The following NXPH1 variants were observed in gnomAD, a reference collection of about 807,000 sequenced individuals.
NXPH1 encodes neurexophilin 1, also known as neurexophilin-1.
In NXPH1, 5 loss-of-function variants were observed where a neutral mutation model predicts 23.7. The ratio of observed to expected loss-of-function variants is 0.21; its 90% CI spans 0.11 to 0.44. The LOEUF is 0.44. NXPH1 is among the 20% of genes least tolerant of loss of function. The probability of loss-of-function intolerance (pLI) is 0.99; values close to 1 mark genes in which losing one functional copy is unlikely to be tolerated. For synonymous variants in NXPH1, 144 were observed against 122.2 expected, an observed-to-expected ratio of 1.18 and a Z score of -1.18; for missense variants, 324 against 321.6, an observed-to-expected ratio of 1.01 and a Z score of -0.06.
chr7:8,500,152 G>A (rs939717264), intron 2 of NXPH1, among the ~76,000 whole-genome samples: 2 of 152,050 alleles, frequency 1.3e-5, no homozygotes, highest in Non-Finnish European at 2.9e-5. Flanking sequence ...CAAGATCCTG[G>A]ATCCCAAAGA....
At chr7:8,590,410 C>G (rs1261026380) in intron 2 of NXPH1, among the ~76,000 whole-genome samples, 2 of 152,034 alleles carry the variant, frequency 1.3e-5, no homozygotes, top group Admixed American at 6.6e-5. Flanking sequence ...TGGCCAAGCT[C>G]TTTTTAGATG....
At chr7:8,512,999 A>T (rs1175906712) in intron 2 of NXPH1, among the ~76,000 whole-genome samples, 1 of 152,008 alleles carries the variant, frequency 6.6e-6, no homozygotes, top group Non-Finnish European at 1.5e-5. Flanking sequence ...TACAGTATCG[A>T]CCCTCAGTCT....
chr7:8,554,444 G>A (rs1818324343), intron 2 of NXPH1, among the ~76,000 whole-genome samples: 1 of 151,618 alleles, frequency 6.6e-6, no homozygotes, highest in South Asian at 2.1e-4. Context: ...TGCTTATGGG[G>A]ATGTACATGT....
intron 2 of NXPH1, among the ~76,000 whole-genome samples, chr7:8,483,604 T>C (rs145205253): frequency 0.01 from 1,548 of 152,242 alleles, 23 homozygotes; most frequent in African/African-American, 0.035. Flanking sequence ...CCACCACACC[T>C]GGCTCAAAAC....
intron 2 of NXPH1, among the ~76,000 whole-genome samples, chr7:8,612,233 A>T (rs879698873): frequency 4.4e-4 from 56 of 127,050 alleles, no homozygotes; most frequent in African/African-American, 6.3e-4. Flanking sequence ...TTTTTTTTAC[A>T]TTCTCCCCTT....
At chr7:8,716,228 T>C (rs1332124289) in intron 2 of NXPH1, among the ~76,000 whole-genome samples, 3 of 152,204 alleles carry the variant, frequency 2.0e-5, no homozygotes, top group Admixed American at 6.5e-5. Flanking sequence ...TACTCTTTTT[T>C]ATATTACACT....
At chr7:8,436,929 G>A (rs996731993) in intron 2 of NXPH1, among the ~76,000 whole-genome samples, 1 of 152,220 alleles carries the variant, frequency 6.6e-6, no homozygotes, top group South Asian at 2.1e-4. Context: ...TGGCTGCAAA[G>A]CTGCGAGTTG....
intron 2 of NXPH1, among the ~76,000 whole-genome samples, chr7:8,644,431 C>T (rs988754736): frequency 2.0e-5 from 3 of 152,144 alleles, no homozygotes; most frequent in Non-Finnish European, 4.4e-5. Flanking sequence ...GGCCTACTTT[C>T]GGTTGAAGTT....
At chr7:8,662,234 G>C (rs1040597274) in intron 2 of NXPH1, among the ~76,000 whole-genome samples, 1 of 151,618 alleles carries the variant, frequency 6.6e-6, no homozygotes, top group Admixed American at 6.6e-5. Flanking sequence ...AGAAGAGATG[G>C]ATAGTTGTAT....
At position 8,752,384 on chromosome 7, in the gene NXPH1, A is replaced by G. The variant is rs913661881; in HGVS notation, c.*615A>G. 1 of 152,746 alleles carries G rather than the reference A, an allele frequency of 6.5e-6. No homozygotes were observed. The highest frequency in any genetic ancestry group is 2.4e-5 in the African/African-American group (1 of 41,418). 9.5% of individuals were successfully genotyped at this position (152,746 alleles called of 1,614,324 possible). A position where few individuals can be genotyped will look rare whatever the true frequency, so the allele number is the denominator to read the frequency against. On this transcript the variant is annotated 3_prime_UTR_variant, in exon 3 of 3. Coordinates refer to ENST00000405863, the MANE Select transcript of NXPH1 (RefSeq NM_152745.3). ...TTCCAGCATACAGTAGGCACATTCA[A>G]AGTGGTCCAAGATGGCTCTTTTTTC... is the stretch of plus-strand genomic sequence containing the variant.
intron 2 of NXPH1, among the ~76,000 whole-genome samples, chr7:8,507,853 G>C (rs758324778): frequency 6.6e-6 from 1 of 152,074 alleles, no homozygotes. Context: ...CTTGTGGCTG[G>C]GCAGTAAGCT....
At chr7:8,733,103 C>T (rs1413929283) in intron 2 of NXPH1, among the ~76,000 whole-genome samples, 3 of 152,044 alleles carry the variant, frequency 2.0e-5, no homozygotes, top group Non-Finnish European at 4.4e-5. Flanking sequence ...TGTTCGACTC[C>T]CACTTATGAG....
intron 2 of NXPH1, among the ~76,000 whole-genome samples, chr7:8,586,893 A>G (rs1431447281): frequency 6.6e-6 from 1 of 152,150 alleles, no homozygotes; most frequent in Non-Finnish European, 1.5e-5. Context: ...AACACCATGC[A>G]ATACTCTATC....
chr7:8,612,598 CT>C lies in NXPH1; in HGVS notation c.55-138406del, dbSNP rs562956014. Reference sequence around the variant, plus strand: ...AATCAGTTCTGCATTCTAACATTGCCTTTTGCTTCTACTCCTGTTACAGTCC... The same window carrying C: ...AATCAGTTCTGCATTCTAACATTGCCTTTGCTTCTACTCCTGTTACAGTCC... On this transcript the variant is annotated intron_variant, in intron 2 of 2. Transcript: ENST00000405863. Among the ~76,000 whole-genome samples the C allele has an allele frequency of 1.9e-3, 295 of 152,122 alleles. 2 individuals carry two copies. The highest frequency in any genetic ancestry group is 6.6e-3 in the African/African-American group (274 of 41,546).
chr7:8,704,451 T>C (rs929908181), intron 2 of NXPH1, among the ~76,000 whole-genome samples: 3 of 152,092 alleles, frequency 2.0e-5, no homozygotes, highest in Non-Finnish European at 4.4e-5. Flanking sequence ...GAGAAATACA[T>C]TGACAAATAG....
chr7:8,550,766 T>G (rs1330001200), intron 2 of NXPH1, among the ~76,000 whole-genome samples: 1 of 151,560 alleles, frequency 6.6e-6, no homozygotes, highest in Admixed American at 6.6e-5. Context: ...GATCTTGTAT[T>G]TCACTTAAGG....
intron 2 of NXPH1, among the ~76,000 whole-genome samples, chr7:8,486,797 C>G (rs1036589579): frequency 2.0e-5 from 3 of 152,080 alleles, no homozygotes; most frequent in African/African-American, 7.2e-5. Flanking sequence ...CTGGATAGGT[C>G]TCTTCTCATT....
chr7:8,523,907 C>T (rs907195450), intron 2 of NXPH1, among the ~76,000 whole-genome samples: 7 of 152,062 alleles, frequency 4.6e-5, no homozygotes, highest in South Asian at 4.2e-4. Context: ...GAAAATCAAG[C>T]GTGAGAGAAA....
intron 2 of NXPH1, among the ~76,000 whole-genome samples, chr7:8,584,599 G>T (rs1043456244): frequency 3.9e-5 from 6 of 152,176 alleles, no homozygotes; most frequent in African/African-American, 1.4e-4. Flanking sequence ...ATCACAGAGG[G>T]ATAAAGTGAT....
Sources: allele counts gnomAD v4.1 joint callset (sites outside exome capture counted in the v4.1 genomes callset), GRCh38; gene constraint gnomAD v4.1.1; transcripts MANE v1.5; gene names NCBI Gene and HGNC (gene_info 2026-07-23, HGNC 2026-07-21).